The following SLC17A1 variants were observed in gnomAD, a reference collection of about 807,000 sequenced individuals.
SLC17A1 encodes sodium-dependent phosphate transport protein 1.
A neutral mutation model predicts 53.5 loss-of-function variants in SLC17A1; 51 were observed. The observed-to-expected ratio is 0.95, with a 90% CI of 0.76 to 1.20. The LOEUF (loss-of-function observed/expected upper bound fraction) is 1.20. Among genes scored for constraint, SLC17A1 ranks in the 50% most tolerant of loss-of-function variants. The probability of loss-of-function intolerance (pLI) is 0.00; values close to 1 mark genes in which losing one functional copy is unlikely to be tolerated. For synonymous variants in SLC17A1, 179 were observed against 198.8 expected (o/e 0.90, Z 0.84); for missense variants, 538 against 568.2 (o/e 0.95, Z 0.54).
At chr6:25,774,113 C>T in the SLC17A1 span, among the ~76,000 whole-genome samples, 7 of 152,156 alleles carry the variant, frequency 4.6e-5, no homozygotes, top group African/African-American at 1.4e-4. Context: ...GAAAATAAGA[C>T]ATTAATAGGA....
chr6:25,746,146 C>T, the SLC17A1 span, among the ~76,000 whole-genome samples: 1 of 152,166 alleles, frequency 6.6e-6, no homozygotes, highest in Admixed American at 6.5e-5. Context: ...CATGTCTTAT[C>T]TATATTACCT....
At chr6:25,776,638 G>A in the SLC17A1 span, 1 of 1,613,536 alleles carries the variant, frequency 6.2e-7, no homozygotes. Context: ...GGATGTATCT[G>A]CATTATCCTT....
At chr6:25,788,901 T>G (rs538705670) in intron 12 of SLC17A1, among the ~76,000 whole-genome samples, 1 of 152,166 alleles carries the variant, frequency 6.6e-6, no homozygotes, top group African/African-American at 2.4e-5. Flanking sequence ...AGTAGAAAAC[T>G]TGAAGAAACT....
intron 3 of SLC17A1, 78 bp from the exon 4 acceptor site, chr6:25,819,993 T>C (rs1207584377): frequency 2.0e-6 from 2 of 976,160 alleles, no homozygotes; most frequent in Non-Finnish European, 3.1e-6. Flanking sequence ...TCAGGGAAAC[T>C]GTTCTGGCTC....
the SLC17A1 span, among the ~76,000 whole-genome samples, chr6:25,771,855 G>A: frequency 3.9e-5 from 6 of 152,160 alleles, no homozygotes; most frequent in Non-Finnish European, 8.8e-5. Flanking sequence ...CTGCAGAAAG[G>A]TTCCAAAGAC....
the SLC17A1 span, among the ~76,000 whole-genome samples, chr6:25,767,501 A>G: frequency 6.6e-6 from 1 of 152,190 alleles, no homozygotes; most frequent in Non-Finnish European, 1.5e-5. Flanking sequence ...CCCAGAATAC[A>G]CAGCTATAAG....
downstream of SLC17A1, among the ~76,000 whole-genome samples, chr6:25,781,481 T>G (rs1224966035): frequency 2.0e-5 from 3 of 149,758 alleles, no homozygotes; most frequent in Non-Finnish European, 4.5e-5. Flanking sequence ...AAGGGTGGTG[T>G]CTTTGTCGCT....
intron 2 of SLC17A1, among the ~76,000 whole-genome samples, chr6:25,830,080 G>A (rs1764893580): frequency 1.3e-5 from 2 of 152,138 alleles, no homozygotes; most frequent in Non-Finnish European, 2.9e-5. Flanking sequence ...ACCAATAGCA[G>A]TAATCCTTTA....
chr6:25,826,394 A>T, intron 3 of SLC17A1, 67 bp downstream of exon 3: 2 of 1,317,186 alleles, frequency 1.5e-6, no homozygotes, highest in Non-Finnish European at 2.1e-6. Context: ...ACAATTCCAT[A>T]TCTACACAAA....
intron 3 of SLC17A1, among the ~76,000 whole-genome samples, chr6:25,823,450 C>T (rs1351359474): frequency 6.6e-6 from 1 of 152,088 alleles, no homozygotes; most frequent in African/African-American, 2.4e-5. Flanking sequence ...TAGGAGAATT[C>T]TAGTTCCTCC....
intron 12 of SLC17A1, among the ~76,000 whole-genome samples, chr6:25,788,424 AC>A (rs1237483621): frequency 1.3e-5 from 2 of 152,164 alleles, no homozygotes; most frequent in African/African-American, 4.8e-5. Context: ...TTAATGGCTA[AC>A]CTGGGGATGC....
intron 12 of SLC17A1, among the ~76,000 whole-genome samples, chr6:25,794,277 T>A (rs1258003704): frequency 1.3e-5 from 2 of 152,224 alleles, no homozygotes; most frequent in African/African-American, 4.8e-5. Flanking sequence ...TTCACTAGGA[T>A]AGCCTCTTTC....
chr6:25,787,460 TAA>T (rs1763408758), intron 12 of SLC17A1, among the ~76,000 whole-genome samples: 1 of 152,184 alleles, frequency 6.6e-6, no homozygotes, highest in African/African-American at 2.4e-5. Context: ...ACCATCCCTA[TAA>T]ACTTTACAAA....
intron 12 of SLC17A1, among the ~76,000 whole-genome samples, chr6:25,795,928 A>T (rs1763593619): frequency 6.6e-6 from 1 of 152,222 alleles, no homozygotes; most frequent in Non-Finnish European, 1.5e-5. Context: ...TCAATAGTAA[A>T]TGCCAAAGCA....
At chr6:25,814,723 C>T (rs1016324186) in intron 6 of SLC17A1, among the ~76,000 whole-genome samples, 5 of 152,134 alleles carry the variant, frequency 3.3e-5, no homozygotes, top group African/African-American at 1.2e-4. Context: ...GTGGCTCACG[C>T]CTGTAATCCC....
At chr6:25,777,804 C>A in the SLC17A1 span, 1 of 735,202 alleles carries the variant, frequency 1.4e-6, no homozygotes, top group Non-Finnish European at 2.4e-6. Context: ...CACAGAGTTG[C>A]AGCAGACCAG....
chr6:25,823,487 C>A (rs1006843463), intron 3 of SLC17A1, among the ~76,000 whole-genome samples: 1 of 152,038 alleles, frequency 6.6e-6, no homozygotes. Context: ...TTTATATTTG[C>A]AATCATTACA....
At chr6:25,807,342 A>G (rs1048793734) in intron 10 of SLC17A1, among the ~76,000 whole-genome samples, 2 of 152,216 alleles carry the variant, frequency 1.3e-5, no homozygotes, top group South Asian at 2.1e-4. Flanking sequence ...ACACAATTGA[A>G]TACCACTCAG....
At chr6:25,830,468 T>C (rs368603270) in intron 2 of SLC17A1, 56 bp downstream of exon 2, 42 of 1,265,452 alleles carry the variant, frequency 3.3e-5, no homozygotes, top group Non-Finnish European at 4.4e-5. Flanking sequence ...ATGGAATCTG[T>C]GATGTAATAT....
Sources: allele counts gnomAD v4.1 joint callset (sites outside exome capture counted in the v4.1 genomes callset), GRCh38; gene constraint gnomAD v4.1.1; transcripts MANE v1.5; gene names NCBI Gene and HGNC (gene_info 2026-07-23, HGNC 2026-07-21).